Variants in CGN observed in about 807,000 individuals in gnomAD.
CGN encodes cingulin.
In CGN, 121 loss-of-function variants were observed where a neutral mutation model predicts 157.1. That is an observed-to-expected ratio of 0.77 (90% CI 0.66 to 0.90). The LOEUF (loss-of-function observed/expected upper bound fraction) is 0.90. Ranked by LOEUF, CGN falls within the 40% of genes least tolerant of loss-of-function variation. The probability of loss-of-function intolerance (pLI) is 0.00; values close to 1 mark genes in which losing one functional copy is unlikely to be tolerated. For missense variants in CGN, 1,424 were observed against 1,520.9 expected (o/e 0.94, Z 1.06); for synonymous variants, 535 against 607.5 (o/e 0.88, Z 1.76).
chr1:151,519,041 CCT>C lies in CGN; in HGVS notation c.523_524del (p.Leu175ValfsTer11), dbSNP rs748248097. 6.2e-7 allele frequency: 1 copy of C among 1,614,140 alleles called. No homozygotes were observed. The highest frequency in any genetic ancestry group is 8.5e-7 in the Non-Finnish European group (1 of 1,180,016). On this transcript the variant is annotated frameshift_variant, in exon 2 of 21. Transcript: ENST00000271636. LOFTEE classifies it high-confidence loss of function. The part of the protein sequence containing the change: ...SPGSTIDTAP[L>X]SSVDSLINKF... The stretch of plus-strand genomic sequence containing the variant: ...CAGGTAGCACCATTGACACTGCTCC[CCT>C]GTCTTCAGTGGACTCACTCATCAAC...
At chr1:151,520,077 C>T in intron 2 of CGN, 89 bp from the exon 3 acceptor site, 3 of 954,380 alleles carry the variant, frequency 3.1e-6, no homozygotes, top group Admixed American at 2.6e-5. Context: ...GCCACTTCTC[C>T]TCCATCTGAA....
In CGN at chr1:151,527,808, TAC is replaced by T. The variant is rs141985486; in HGVS notation, c.1896+730_1896+731del. On this transcript the variant is annotated intron_variant, in intron 10 of 20. Coordinates refer to ENST00000271636, the MANE Select transcript of CGN (RefSeq NM_020770.3). ...TATTGTGTCACACATTTTGGTTTTA[TAC>T]ACACACACACACACACACACACACA... 3.2e-3 allele frequency: 501 copies of T among 155,988 alleles called. 3 individuals carry two copies. The highest frequency in any genetic ancestry group is 0.01 in the African/African-American group (398 of 39,422). 9.7% of individuals were successfully genotyped at this position (155,988 alleles called of 1,614,324 possible). A position where few individuals can be genotyped will look rare whatever the true frequency, so the allele number is the denominator to read the frequency against.
Position 151,529,482 on chromosome 1 carries a change from C to A in CGN, c.2029C>A (p.Arg677=). 1 of 1,613,738 alleles carries A rather than the reference C, an allele frequency of 6.2e-7. No homozygotes were observed. The highest frequency in any genetic ancestry group is 8.5e-7 in the Non-Finnish European group (1 of 1,179,972). Residue 677 remains arginine, a synonymous_variant, in exon 11 of 21, where the codon CGG becomes AGG. Coordinates refer to ENST00000271636, the MANE Select transcript of CGN (RefSeq NM_020770.3). ...CCTGAGGGTCGAGGCTGATCGAGGT[C>A]GGGAGCTGGAAGAACAGAACCTCCA... ...AVLRVEADRG[R]ELEEQNLQLQ... is the part of the protein sequence containing the mutation.
intron 9 of CGN, 129 bp downstream of exon 9, chr1:151,525,919 C>A: frequency 5.0e-6 from 3 of 598,552 alleles, no homozygotes; most frequent in Non-Finnish European, 7.0e-6. Flanking sequence ...GTTTCCCAGG[C>A]TGGAGTGTCA....
At chr1:151,535,710 G>A in intron 17 of CGN, 27 bp downstream of exon 17, 2 of 1,610,626 alleles carry the variant, frequency 1.2e-6, no homozygotes, top group South Asian at 2.2e-5. Context: ...GGATTCTTAG[G>A]GATGGACCCC....
intron 10 of CGN, among the ~76,000 whole-genome samples, chr1:151,528,520 C>G (rs535428292): frequency 6.6e-6 from 1 of 152,020 alleles, no homozygotes; most frequent in African/African-American, 2.4e-5. Flanking sequence ...TGGTTCAAGC[C>G]ATTCTCCTGC....
chr1:151,529,914 G>A lies in CGN; in HGVS notation c.2112G>A (p.Lys704=), dbSNP rs781615856. ...RQDCEEASKA[K]MVAEAEATVL... ...ACCCCCTGAACCGTCCTTAGGCTAA[G>A]ATGGTGGCCGAGGCAGAGGCAACAG... The change falls in exon 12 of 21, where the codon AAG becomes AAA. Residue 704 remains lysine, a synonymous_variant. Coordinates refer to ENST00000271636, the MANE Select transcript of CGN (RefSeq NM_020770.3). 4 of 1,613,500 alleles carry A rather than the reference G, an allele frequency of 2.5e-6. No individual in the cohort carries two copies. The Admixed American group carries it at 6.7e-5, about 27-fold the overall frequency.
In CGN at chr1:151,537,504, C is replaced by T; in HGVS notation, c.*158C>T. On this transcript the variant is annotated 3_prime_UTR_variant, in exon 21 of 21. Coordinates refer to ENST00000271636, the MANE Select transcript of CGN (RefSeq NM_020770.3). The stretch of plus-strand genomic sequence containing the variant: ...AGTGATGGTGATAAAAAAAAAAAAT[C>T]ATCAGCAATAAGCTGATAGATGGAC... 1 of 542,448 alleles carries T rather than the reference C, an allele frequency of 1.8e-6. No homozygotes were observed. Among genetic ancestry groups the T allele is most frequent in the Non-Finnish European group, 3.1e-6 (1 of 318,338 alleles). 33.6% of individuals were successfully genotyped at this position (542,448 alleles called of 1,614,324 possible).
At position 151,530,083 on chromosome 1, in the gene CGN, GCACGACTACGGGA is replaced by G; in HGVS notation, c.2284_2296del (p.Arg762SerfsTer16). 3 of 1,613,844 alleles carry G rather than the reference GCACGACTACGGGA, an allele frequency of 1.9e-6. No individual in the cohort carries two copies. Among genetic ancestry groups the G allele is most frequent in the Non-Finnish European group, 2.5e-6 (3 of 1,179,850 alleles). On this transcript the variant is annotated frameshift_variant, in exon 12 of 21. Coordinates refer to ENST00000271636, the MANE Select transcript of CGN (RefSeq NM_020770.3). LOFTEE classifies it high-confidence loss of function. ...GGTGGATGGTGGGGAAGCGGTGGAG[GCACGACTACGGGA>G]CAAGCTGCAGCGGCTGGAGGTCAGT... is the stretch of plus-strand genomic sequence containing the variant.
chr1:151,519,222 T>C lies in CGN; in HGVS notation c.703T>C (p.Trp235Arg). The change falls in exon 2 of 21, where the codon TGG becomes CGG. Residue 235 changes from tryptophan (W) to arginine (R), a missense_variant. Physicochemically the swap from Trp to Arg is moderately radical, Grantham distance 101 (BLOSUM62 -3). Coordinates refer to ENST00000271636, the MANE Select transcript of CGN (RefSeq NM_020770.3). ...ACGGGAGCGCCAGTCCACCAACCAC[T>C]GGACCTCTAGCACAAAATATGACAA... ...EERERQSTNH[W>R]TSSTKYDNHV... is the part of the protein sequence containing the mutation. The C allele has an allele frequency of 6.2e-7, 1 of 1,614,084 alleles. No homozygotes were observed. The highest frequency in any genetic ancestry group is 8.5e-7 in the Non-Finnish European group (1 of 1,180,026).
At position 151,534,030 on chromosome 1, in the gene CGN, G is replaced by T; in HGVS notation, c.2798G>T (p.Arg933Leu). 1 of 1,613,464 alleles carries T rather than the reference G, an allele frequency of 6.2e-7. No homozygotes were observed. Among genetic ancestry groups the T allele is most frequent in the Admixed American group, 1.7e-5 (1 of 59,996 alleles). The change falls in exon 15 of 21, where the codon CGG becomes CTG. Residue 933 changes from arginine to leucine, a missense_variant. By Grantham distance (102) the Arg-to-Leu change is moderately radical. Coordinates refer to ENST00000271636, the MANE Select transcript of CGN (RefSeq NM_020770.3). ...TCCCAGGCTGAGCGGGACACAGCCCGGCTGGACAAAGAGCTACTGGCCCAG... is the reference window on the plus strand; with the variant it reads ...TCCCAGGCTGAGCGGGACACAGCCCTGCTGGACAAAGAGCTACTGGCCCAG... ...QASQAERDTA[R>L]LDKELLAQRL...
At chr1:151,529,296 C>T (rs755714985) in intron 10 of CGN, 54 bp from the exon 11 acceptor site, 168 of 1,457,854 alleles carry the variant, frequency 1.2e-4, no homozygotes, top group Non-Finnish European at 1.6e-4. Context: ...TCTCCACATT[C>T]AGGTATCTTA....
Position 151,530,709 on chromosome 1 carries a change from G to T in CGN, c.2534G>T (p.Arg845Leu). The change falls in exon 13 of 21, where the codon CGT (arginine) becomes CTT (leucine). Residue 845 changes from arginine (R) to leucine (L), a missense_variant. Coordinates refer to ENST00000271636, the MANE Select transcript of CGN (RefSeq NM_020770.3). ...RGKAELEEQK[R>L]LLDRTVDRLN... Reference sequence around the variant, plus strand: ...AAGGCTGAGCTGGAGGAGCAGAAGCGTTTGCTGGACAGGACTGTGGACCGA... The same window carrying T: ...AAGGCTGAGCTGGAGGAGCAGAAGCTTTTGCTGGACAGGACTGTGGACCGA... 1 of 1,554,326 alleles carries T rather than the reference G, an allele frequency of 6.4e-7. No homozygotes were observed. The highest frequency in any genetic ancestry group is 8.7e-7 in the Non-Finnish European group (1 of 1,148,214).
At position 151,511,782 on chromosome 1, in the gene CGN, C is replaced by T. The variant is rs546360152; in HGVS notation, c.-15+267C>T. ...CTGTTCCCAGCGCATGAAAGCGTTTCAGCGCCAGATGTCTCTGGAGGTCAG... is the reference window on the plus strand; with the variant it reads ...CTGTTCCCAGCGCATGAAAGCGTTTTAGCGCCAGATGTCTCTGGAGGTCAG... On this transcript the variant is annotated intron_variant, in intron 1 of 20. Transcript: ENST00000271636. The surrounding 1 kb of genome is among the most constrained non-coding windows in gnomAD (Gnocchi z 4.8). Among the ~76,000 whole-genome samples the T allele has an allele frequency of 6.6e-6, 1 of 152,320 alleles. No individual in the cohort carries two copies. The highest frequency in any genetic ancestry group is 1.5e-5 in the Non-Finnish European group (1 of 68,020).
intron 2 of CGN, among the ~76,000 whole-genome samples, chr1:151,519,719 A>G (rs1169396410): frequency 6.6e-6 from 1 of 152,222 alleles, no homozygotes; most frequent in Non-Finnish European, 1.5e-5. Context: ...GGCTTGGAGG[A>G]TAAGAGCAGT....
rs780346325 is a variant in CGN, at chr1:151,518,626, G to A, written c.107G>A (p.Arg36His). ...AGTGGTGCAGAGATGGGCACTCTACGTCGAGGTGGACGACGCCCAGCTAAG... is the reference window on the plus strand; with the variant it reads ...AGTGGTGCAGAGATGGGCACTCTACATCGAGGTGGACGACGCCCAGCTAAG... ...PVSGAEMGTL[R>H]RGGRRPAKDA... The change falls in exon 2 of 21, where the codon CGT (arginine) becomes CAT (histidine). Residue 36 changes from arginine (R) to histidine (H), a missense_variant. Coordinates refer to ENST00000271636, the MANE Select transcript of CGN (RefSeq NM_020770.3). 12 of 1,614,022 alleles carry A rather than the reference G, an allele frequency of 7.4e-6. No homozygotes were observed. The highest frequency in any genetic ancestry group is 4.5e-5 in the East Asian group (2 of 44,890).
chr1:151,534,099 C>G lies in CGN; in HGVS notation c.2867C>G (p.Ser956Cys), dbSNP rs749811036. ...LEQEAENKKR[S>C]QDDRARQLKG... is the part of the protein sequence containing the mutation. ...CAAGAGGCAGAGAACAAGAAGCGTT[C>G]CCAGGACGACAGGGCCCGGCAGCTG... The change falls in exon 15 of 21, where the codon TCC becomes TGC. Residue 956 changes from serine (S) to cysteine (C), a missense_variant. Coordinates refer to ENST00000271636, the MANE Select transcript of CGN (RefSeq NM_020770.3). The G allele has an allele frequency of 4.8e-5, 78 of 1,608,684 alleles. No individual in the cohort carries two copies. The South Asian group carries it at 8.3e-4, about 17-fold the overall frequency.
At chr1:151,521,866 G>A (rs1410694240) in intron 5 of CGN, among the ~76,000 whole-genome samples, 1 of 151,912 alleles carries the variant, frequency 6.6e-6, no homozygotes, top group East Asian at 1.9e-4. Context: ...CAGAGTCTGA[G>A]GATGAAGAAC....
At chr1:151,533,654 C>T (rs1225037901) in intron 14 of CGN, among the ~76,000 whole-genome samples, 1 of 151,462 alleles carries the variant, frequency 6.6e-6, no homozygotes, top group Admixed American at 6.6e-5. Context: ...ATTAGCCAAG[C>T]GTGGTGGCAC....
Sources: allele counts gnomAD v4.1 joint callset (sites outside exome capture counted in the v4.1 genomes callset), GRCh38; gene constraint gnomAD v4.1.1; non-coding constraint Gnocchi (gnomAD v3.1); transcripts MANE v1.5; gene names NCBI Gene and HGNC (gene_info 2026-07-23, HGNC 2026-07-21).